C12orf56: variants seen among roughly 807,000 people sequenced by gnomAD.
C12orf56 encodes uncharacterized protein C12orf56.
A neutral mutation model predicts 69.9 loss-of-function variants in C12orf56; 71 were observed. That is an observed-to-expected ratio of 1.02 (90% CI 0.84 to 1.24). The LOEUF (loss-of-function observed/expected upper bound fraction) is 1.24. C12orf56 is among the 50% of genes most tolerant of loss of function. The probability of loss-of-function intolerance (pLI) is 0.00; values close to 1 mark genes in which losing one functional copy is unlikely to be tolerated. For missense variants in C12orf56, 732 were observed against 738.5 expected (o/e 0.99, Z 0.10); for synonymous variants, 276 against 274.1 (o/e 1.01, Z -0.07).
chr12:64,280,590 G>A (rs758763596), intron 8 of C12orf56, among the ~76,000 whole-genome samples: 60 of 152,154 alleles, frequency 3.9e-4, no homozygotes, highest in Non-Finnish European at 7.9e-4. Context: ...CATGAAATGG[G>A]AAAGATGAAG....
At chr12:64,329,795 T>G (rs1373035555) in intron 3 of C12orf56, among the ~76,000 whole-genome samples, 1 of 150,390 alleles carries the variant, frequency 6.6e-6, no homozygotes, top group Non-Finnish European at 1.5e-5. Flanking sequence ...TTTGTTCTTG[T>G]GATAGTTTAC....
intron 3 of C12orf56, among the ~76,000 whole-genome samples, chr12:64,328,649 C>T (rs1017297433): frequency 7.8e-6 from 1 of 128,946 alleles, no homozygotes; most frequent in African/African-American, 2.9e-5. Flanking sequence ...CACTGCACTC[C>T]AGCCTGGGCG....
chr12:64,297,175 T>A (rs1391599235), intron 6 of C12orf56, among the ~76,000 whole-genome samples: 1 of 152,168 alleles, frequency 6.6e-6, no homozygotes, highest in Non-Finnish European at 1.5e-5. Context: ...CTTAAGGCTA[T>A]GATAACAATT....
intron 1 of C12orf56, among the ~76,000 whole-genome samples, chr12:64,367,631 G>A (rs1029389495): frequency 6.0e-4 from 90 of 150,130 alleles, no homozygotes; most frequent in African/African-American, 1.6e-3. Context: ...TCAGCCTCCC[G>A]AGTAGCTGAA....
At chr12:64,303,527 T>C (rs2038473885) in intron 6 of C12orf56, 108 bp downstream of exon 6, 1 of 927,526 alleles carries the variant, frequency 1.1e-6, no homozygotes, top group Non-Finnish European at 1.6e-6. Context: ...CATTTAAAAA[T>C]ACAGCATCAG....
At chr12:64,333,830 T>C (rs1406375072) in intron 2 of C12orf56, among the ~76,000 whole-genome samples, 1 of 152,204 alleles carries the variant, frequency 6.6e-6, no homozygotes, top group African/African-American at 2.4e-5. Context: ...CACTTTGTAA[T>C]AATGGTCTGG....
In C12orf56 at chr12:64,274,959, C is replaced by T. The variant is rs2038031749; in HGVS notation, c.1526G>A (p.Gly509Glu). 1.2e-6 allele frequency: 2 copies of T among 1,611,572 alleles called. No individual in the cohort carries two copies. Among genetic ancestry groups the T allele is most frequent in the East Asian group, 2.2e-5 (1 of 44,752 alleles). The change falls in exon 11 of 13, where the codon GGA becomes GAA. Residue 509 changes from glycine to glutamate, a missense_variant. Physicochemically the swap from Gly to Glu is moderately conservative, Grantham distance 98. Transcript: ENST00000543942. ...LVFQQGNLGL[G>E]STKFAISWIM... is the part of the protein sequence containing the mutation. Reference sequence around the variant, plus strand: ...CCAGCTAATAGCAAACTTTGTGGATCCCAATCCGAGATTTCCCTAAAAGAC... The same window carrying T: ...CCAGCTAATAGCAAACTTTGTGGATTCCAATCCGAGATTTCCCTAAAAGAC...
chr12:64,285,709 A>G (rs2038190402), intron 7 of C12orf56, among the ~76,000 whole-genome samples: 1 of 152,058 alleles, frequency 6.6e-6, no homozygotes, highest in South Asian at 2.1e-4. Flanking sequence ...AATTGCTTGA[A>G]CCCACGAGGC....
At chr12:64,356,477 A>G (rs1159149599) in intron 1 of C12orf56, among the ~76,000 whole-genome samples, 1 of 152,192 alleles carries the variant, frequency 6.6e-6, no homozygotes, top group East Asian at 1.9e-4. Context: ...TGATGCAGGT[A>G]GCCCCTACTG....
intron 1 of C12orf56, among the ~76,000 whole-genome samples, chr12:64,357,283 A>G (rs1291106059): frequency 1.3e-5 from 2 of 152,016 alleles, no homozygotes; most frequent in African/African-American, 2.4e-5. Flanking sequence ...TAACATAAAT[A>G]TTTCAGAAAT....
At chr12:64,381,544 C>T (rs2039719708) in intron 1 of C12orf56, among the ~76,000 whole-genome samples, 1 of 152,128 alleles carries the variant, frequency 6.6e-6, no homozygotes, top group African/African-American at 2.4e-5. Flanking sequence ...TAAGTTCCTC[C>T]AAAAGTTAGT....
intron 3 of C12orf56, among the ~76,000 whole-genome samples, chr12:64,319,576 T>C (rs2038743206): frequency 6.6e-6 from 1 of 152,086 alleles, no homozygotes; most frequent in Non-Finnish European, 1.5e-5. Flanking sequence ...TTGTATTTTT[T>C]TGTAGTGATG....
intron 3 of C12orf56, among the ~76,000 whole-genome samples, chr12:64,320,841 C>G (rs756841881): frequency 7.0e-4 from 106 of 152,172 alleles, no homozygotes; most frequent in Non-Finnish European, 1.3e-3. Context: ...GGAAACTGAC[C>G]AGTTTTCCAG....
At chr12:64,293,109 G>A (rs1225716219) in intron 6 of C12orf56, among the ~76,000 whole-genome samples, 3 of 152,234 alleles carry the variant, frequency 2.0e-5, no homozygotes, top group East Asian at 1.9e-4. Flanking sequence ...GGAGTGACCC[G>A]ATTTTCCAGG....
chr12:64,352,841 T>C, intron 2 of C12orf56, 53 bp downstream of exon 2: 5 of 1,456,046 alleles, frequency 3.4e-6, no homozygotes, highest in Non-Finnish European at 3.7e-6. Context: ...AAGAAATATA[T>C]ATATATACTT....
intron 4 of C12orf56, among the ~76,000 whole-genome samples, chr12:64,315,994 T>C (rs998791745): frequency 3.3e-5 from 5 of 152,100 alleles, no homozygotes; most frequent in African/African-American, 1.2e-4. Context: ...GAATGAATTC[T>C]AACCCGATTT....
At chr12:64,389,189 A>T (rs1277431044) in intron 1 of C12orf56, 1 of 152,156 alleles carries the variant, frequency 6.6e-6, no homozygotes, top group African/African-American at 2.4e-5. Flanking sequence ...CAGCTCAGAC[A>T]AAGGGAGCCA....
rs1303190476 is a variant in C12orf56 at position 64,292,940 on chromosome 12, C to T, written c.1114-6880G>A. On this transcript the variant is annotated intron_variant, in intron 6 of 12. Coordinates refer to ENST00000543942, the MANE Select transcript of C12orf56 (RefSeq NM_001170633.2). The stretch of plus-strand genomic sequence containing the variant: ...GCAAGCCTGGGCAATGGCGGGCGCC[C>T]CTCCCCCAGCCTCGCTGCCGCCTTG... Among the ~76,000 whole-genome samples the T allele has an allele frequency of 2.9e-3, 421 of 145,938 alleles. 2 individuals carry two copies. The highest frequency in any genetic ancestry group is 0.01 in the African/African-American group (405 of 40,276).
At chr12:64,365,425 A>G (rs561118384) in intron 1 of C12orf56, among the ~76,000 whole-genome samples, 58 of 151,650 alleles carry the variant, frequency 3.8e-4, no homozygotes, top group African/African-American at 1.3e-3. Flanking sequence ...TCAGTCTCCC[A>G]AAGTACTGGG....
Sources: gnomAD v4.1 joint callset for allele counts (sites outside exome capture counted in the v4.1 genomes callset) on GRCh38, gnomAD v4.1.1 for gene constraint, MANE v1.5 for transcripts, NCBI Gene and HGNC (gene_info 2026-07-23, HGNC 2026-07-21) for gene names.